Variants in EEF1AKMT1 observed in about 807,000 individuals in gnomAD.
EEF1AKMT1 encodes EEF1A lysine methyltransferase 1, also known as N-6 adenine-specific DNA methyltransferase 2 (putative).
Under a neutral mutation model 21.0 loss-of-function variants are expected in EEF1AKMT1, and 18 were observed. That is an observed-to-expected ratio of 0.86 (90% CI 0.59 to 1.27). EEF1AKMT1 has a LOEUF of 1.27. EEF1AKMT1 is among the 50% of genes most tolerant of loss of function. EEF1AKMT1 has a pLI of 0.00. For missense variants in EEF1AKMT1, 246 were observed against 258.6 expected (o/e 0.95, Z 0.33); for synonymous variants, 109 against 94.8 (o/e 1.15, Z -0.87).
chr13:20,758,230 A>C (rs191906513), intron 1 of EEF1AKMT1, among the ~76,000 whole-genome samples: 88 of 152,190 alleles, frequency 5.8e-4, no homozygotes, highest in African/African-American at 2.1e-3. Flanking sequence ...CATCTACATA[A>C]TAATAAGAAC....
At chr13:20,756,553 A>C (rs2058972904) in intron 2 of EEF1AKMT1, among the ~76,000 whole-genome samples, 1 of 152,220 alleles carries the variant, frequency 6.6e-6, no homozygotes, top group South Asian at 2.1e-4. Context: ...AATGAAGCAG[A>C]AGTTTGTATT....
chr13:20,772,459 C>G (rs998643259), intron 1 of EEF1AKMT1, among the ~76,000 whole-genome samples: 1 of 152,102 alleles, frequency 6.6e-6, no homozygotes, highest in Non-Finnish European at 1.5e-5. Flanking sequence ...TGGGTAGAGG[C>G]TGCTGAACTT....
chr13:20,731,798 C>A (rs1232116728), intron 4 of EEF1AKMT1, 43 bp downstream of exon 4: 3 of 1,568,068 alleles, frequency 1.9e-6, no homozygotes, highest in Admixed American at 3.6e-5. Flanking sequence ...ACCTGAATAG[C>A]CACTGTCAGT....
At chr13:20,763,272 A>G (rs2059010286) in intron 1 of EEF1AKMT1, among the ~76,000 whole-genome samples, 1 of 152,122 alleles carries the variant, frequency 6.6e-6, no homozygotes, top group South Asian at 2.1e-4. Flanking sequence ...TATGGATTCA[A>G]TTGACACACC....
chr13:20,738,567 CCT>C (rs1244540843), intron 2 of EEF1AKMT1, among the ~76,000 whole-genome samples: 1 of 152,114 alleles, frequency 6.6e-6, no homozygotes, highest in Non-Finnish European at 1.5e-5. Flanking sequence ...AAAAATCTGC[CCT>C]GTGTGGAAAC....
intron 4 of EEF1AKMT1, 137 bp from the exon 5 acceptor site, chr13:20,729,353 G>A (rs1722748208): frequency 3.1e-6 from 3 of 965,124 alleles, no homozygotes; most frequent in African/African-American, 3.3e-5. Flanking sequence ...GAGGGAGCGA[G>A]TGTTCTTTAC....
chr13:20,741,340 T>C (rs536705986), intron 2 of EEF1AKMT1, among the ~76,000 whole-genome samples: 2 of 152,250 alleles, frequency 1.3e-5, no homozygotes, highest in South Asian at 2.1e-4. Flanking sequence ...CTGGTAGTTT[T>C]CTCTGCTGTT....
intron 2 of EEF1AKMT1, among the ~76,000 whole-genome samples, chr13:20,753,656 T>A (rs1025793705): frequency 6.6e-6 from 1 of 152,238 alleles, no homozygotes; most frequent in Non-Finnish European, 1.5e-5. Flanking sequence ...TTGATCCCTT[T>A]ATCATTATAT....
intron 1 of EEF1AKMT1, among the ~76,000 whole-genome samples, chr13:20,771,321 A>G (rs1232979782): frequency 6.6e-6 from 1 of 152,242 alleles, no homozygotes. Flanking sequence ...AATTCCAAAG[A>G]GCAATTTAAT....
chr13:20,746,259 T>C lies in EEF1AKMT1; in HGVS notation c.145-8454A>G, dbSNP rs1468465737. Among the ~76,000 whole-genome samples the C allele has an allele frequency of 3.3e-5, 5 of 152,120 alleles. No homozygotes were observed. The East Asian group carries it at 9.6e-4, about 29-fold the overall frequency. On this transcript the variant is annotated intron_variant, in intron 2 of 4. Transcript: ENST00000382758. Reference sequence around the variant, plus strand: ...CCTCCACTTCCCAGGTTCAAGTGATTCTCCTGCCTCAGCCTCCCAAGTAGC... The same window carrying C: ...CCTCCACTTCCCAGGTTCAAGTGATCCTCCTGCCTCAGCCTCCCAAGTAGC...
chr13:20,754,062 C>T (rs1475341102), intron 2 of EEF1AKMT1, among the ~76,000 whole-genome samples: 1 of 151,948 alleles, frequency 6.6e-6, no homozygotes, highest in African/African-American at 2.4e-5. Flanking sequence ...GTTTGCTTTA[C>T]CAGTGGGTTT....
intron 1 of EEF1AKMT1, among the ~76,000 whole-genome samples, chr13:20,767,648 G>A (rs981868202): frequency 1.3e-5 from 2 of 151,928 alleles, no homozygotes; most frequent in African/African-American, 4.8e-5. Context: ...ATGTGCCTTG[G>A]TGTGGTTTTT....
At chr13:20,765,405 GTTTTTT>G (rs1171165259) in intron 1 of EEF1AKMT1, among the ~76,000 whole-genome samples, 9 of 58,702 alleles carry the variant, frequency 1.5e-4, no homozygotes, top group South Asian at 8.1e-4. Flanking sequence ...CTTCCCTTGG[GTTTTTT>G]TTTTTTTTTT....
At chr13:20,737,935 C>T (rs1476405821) in intron 2 of EEF1AKMT1, 130 bp from the exon 3 acceptor site, 6 of 485,138 alleles carry the variant, frequency 1.2e-5, no homozygotes, top group Non-Finnish European at 1.7e-5. Flanking sequence ...TACCAGTGGA[C>T]AGATATTTTT....
chr13:20,740,095 C>T (rs115933812), intron 2 of EEF1AKMT1, among the ~76,000 whole-genome samples: 8 of 152,242 alleles, frequency 5.3e-5, no homozygotes, highest in African/African-American at 1.4e-4. Context: ...AGCTGAGGGC[C>T]GGCGAGAATT....
At chr13:20,736,697 G>A (rs1193061438) in intron 3 of EEF1AKMT1, among the ~76,000 whole-genome samples, 2 of 149,842 alleles carry the variant, frequency 1.3e-5, no homozygotes, top group African/African-American at 2.5e-5. Context: ...CAGGGATACG[G>A]ATATAGAATA....
intron 2 of EEF1AKMT1, among the ~76,000 whole-genome samples, chr13:20,743,241 A>G (rs546718530): frequency 8.6e-5 from 13 of 151,916 alleles, no homozygotes; most frequent in African/African-American, 3.1e-4. Flanking sequence ...TAATTTTTGT[A>G]TTTTTAGTAG....
In EEF1AKMT1 at chr13:20,757,436, G is replaced by A. The variant is rs1566536366; in HGVS notation, c.144+19C>T. ...TCCACATCAATACTTCCTGATGGCT[G>A]TGAAATGCATTTACTTACCCAATTC... On this transcript the variant is annotated intron_variant, in intron 2 of 4. Transcript: ENST00000382758. 1 of 1,613,070 alleles carries A rather than the reference G, an allele frequency of 6.2e-7. No individual in the cohort carries two copies. Among genetic ancestry groups the A allele is most frequent in the Non-Finnish European group, 8.5e-7 (1 of 1,179,270 alleles).
chr13:20,760,554 G>A (rs2058996207), intron 1 of EEF1AKMT1, among the ~76,000 whole-genome samples: 1 of 152,134 alleles, frequency 6.6e-6, no homozygotes, highest in Non-Finnish European at 1.5e-5. Context: ...GCCGGGAAGA[G>A]TGGGGGAAGG....
Sources: gnomAD v4.1 joint callset for allele counts (sites outside exome capture counted in the v4.1 genomes callset) on GRCh38, gnomAD v4.1.1 for gene constraint, MANE v1.5 for transcripts, NCBI Gene and HGNC (gene_info 2026-07-23, HGNC 2026-07-21) for gene names.